The following NKAIN2 variants were observed in gnomAD, a reference collection of about 807,000 sequenced individuals.
The protein encoded by NKAIN2 is sodium/potassium transporting ATPase interacting 2.
Under a neutral mutation model 32.6 loss-of-function variants are expected in NKAIN2, and 14 were observed. That is an observed-to-expected ratio of 0.43 (90% CI 0.28 to 0.67). The LOEUF (loss-of-function observed/expected upper bound fraction) is 0.67. NKAIN2 is among the 30% of genes least tolerant of loss of function. NKAIN2 has a pLI of 0.17. For synonymous variants in NKAIN2, 80 were observed against 87.2 expected, an observed-to-expected ratio of 0.92 and a Z score of 0.46; for missense variants, 198 against 258.3, an observed-to-expected ratio of 0.77 and a Z score of 1.60.
intron 1 of NKAIN2, among the ~76,000 whole-genome samples, chr6:123,852,627 A>T (rs1176086939): frequency 1.3e-5 from 2 of 152,242 alleles, no homozygotes; most frequent in African/African-American, 4.8e-5. Context: ...TCAATGGATG[A>T]TGACTGGATA....
chr6:124,803,842 T>C (rs1780384967), intron 5 of NKAIN2, among the ~76,000 whole-genome samples: 1 of 152,216 alleles, frequency 6.6e-6, no homozygotes, highest in African/African-American at 2.4e-5. Context: ...TTTTGAAGCA[T>C]AATTCCAATC....
chr6:124,028,330 CT>C (rs1225606395), intron 1 of NKAIN2, among the ~76,000 whole-genome samples: 4 of 140,072 alleles, frequency 2.9e-5, no homozygotes, highest in Non-Finnish European at 6.0e-5. Flanking sequence ...TGAAATGCAA[CT>C]TGATCCATTG....
chr6:124,425,128 A>G (rs1435515245), intron 3 of NKAIN2, among the ~76,000 whole-genome samples: 2 of 152,194 alleles, frequency 1.3e-5, no homozygotes. Context: ...AATCTGCCAC[A>G]TATTTCAAGG....
At chr6:123,989,610 T>A (rs1394153759) in intron 1 of NKAIN2, among the ~76,000 whole-genome samples, 1 of 152,206 alleles carries the variant, frequency 6.6e-6, no homozygotes, top group Non-Finnish European at 1.5e-5. Context: ...TAATAATTAC[T>A]TGTCACAGTT....
intron 1 of NKAIN2, among the ~76,000 whole-genome samples, chr6:123,832,885 A>G: frequency 6.6e-6 from 1 of 152,092 alleles, no homozygotes; most frequent in East Asian, 1.9e-4. Context: ...TCTTTTATCA[A>G]ATGTCTTTTG....
At chr6:124,693,433 C>CATCGCTAAAT (rs1774353826) in intron 4 of NKAIN2, among the ~76,000 whole-genome samples, 1 of 152,134 alleles carries the variant, frequency 6.6e-6, no homozygotes, top group African/African-American at 2.4e-5. Context: ...CCTATGGATC[C>CATCGCTAAAT]GTTTCTCAGA....
intron 1 of NKAIN2, among the ~76,000 whole-genome samples, chr6:124,262,884 G>A (rs1228185141): frequency 2.6e-5 from 4 of 152,106 alleles, no homozygotes; most frequent in Non-Finnish European, 5.9e-5. Context: ...TTGCCTTCTG[G>A]TCTCCATGAC....
chr6:123,883,194 G>C (rs989952755), intron 1 of NKAIN2, among the ~76,000 whole-genome samples: 1 of 152,034 alleles, frequency 6.6e-6, no homozygotes, highest in South Asian at 2.1e-4. Context: ...GCCCAGGCTG[G>C]AGTACAGTGG....
chr6:124,035,398 T>C (rs1336477571), intron 1 of NKAIN2, among the ~76,000 whole-genome samples: 1 of 152,128 alleles, frequency 6.6e-6, no homozygotes, highest in East Asian at 1.9e-4. Context: ...AATGTCTCTT[T>C]AATTAAACTT....
At chr6:124,460,852 A>C (rs893267722) in intron 3 of NKAIN2, among the ~76,000 whole-genome samples, 6 of 151,572 alleles carry the variant, frequency 4.0e-5, no homozygotes, top group African/African-American at 1.2e-4. Context: ...ATTTTATTAA[A>C]TGTATATTGC....
At chr6:124,128,424 A>G (rs1430847578) in intron 1 of NKAIN2, among the ~76,000 whole-genome samples, 1 of 152,220 alleles carries the variant, frequency 6.6e-6, no homozygotes, top group Non-Finnish European at 1.5e-5. Flanking sequence ...ACTAAATTTG[A>G]TAGGGCAACT....
chr6:123,992,252 C>G (rs952250346), intron 1 of NKAIN2, among the ~76,000 whole-genome samples: 1 of 152,054 alleles, frequency 6.6e-6, no homozygotes, highest in African/African-American at 2.4e-5. Flanking sequence ...ATTACACTTG[C>G]ATTCCTTTGA....
chr6:123,951,040 G>A (rs1375523122), intron 1 of NKAIN2, among the ~76,000 whole-genome samples: 1 of 151,926 alleles, frequency 6.6e-6, no homozygotes, highest in Non-Finnish European at 1.5e-5. Context: ...TTAGGAGCAT[G>A]TTGTTTAACT....
intron 3 of NKAIN2, among the ~76,000 whole-genome samples, chr6:124,413,548 A>G: frequency 6.6e-6 from 1 of 152,126 alleles, no homozygotes; most frequent in Middle Eastern, 3.2e-3. Context: ...TTGTGTTTCC[A>G]TACAAATTTC....
chr6:124,624,203 T>C (rs764699089), intron 3 of NKAIN2, among the ~76,000 whole-genome samples: 1 of 152,150 alleles, frequency 6.6e-6, no homozygotes, highest in African/African-American at 2.4e-5. Context: ...CATGCTTGCA[T>C]ATAGCGAATC....
chr6:123,918,995 G>GTC (rs146945631), intron 1 of NKAIN2, among the ~76,000 whole-genome samples: 28 of 150,538 alleles, frequency 1.9e-4, no homozygotes, highest in East Asian at 3.9e-4. Context: ...CTGTCTCTCT[G>GTC]TCTCTCTCTC....
At chr6:124,293,214 C>T (rs1795896795) in intron 2 of NKAIN2, among the ~76,000 whole-genome samples, 2 of 151,742 alleles carry the variant, frequency 1.3e-5, no homozygotes, top group South Asian at 4.2e-4. Context: ...ATGCTAATAT[C>T]TCTTTAAAAT....
intron 1 of NKAIN2, among the ~76,000 whole-genome samples, chr6:123,972,138 TG>T (rs1426744943): frequency 3.9e-5 from 6 of 152,346 alleles, no homozygotes; most frequent in Admixed American, 3.9e-4. Flanking sequence ...GCTTACTTTA[TG>T]GTGAGAATAC....
chr6:124,049,427 C>T (rs1242070374), intron 1 of NKAIN2, among the ~76,000 whole-genome samples: 2 of 151,888 alleles, frequency 1.3e-5, no homozygotes, highest in African/African-American at 4.8e-5. Context: ...AGAGCTCCCC[C>T]GGGTTTATGA....
Sources: allele counts gnomAD v4.1 joint callset (sites outside exome capture counted in the v4.1 genomes callset), GRCh38; gene constraint gnomAD v4.1.1; transcripts MANE v1.5; gene names NCBI Gene and HGNC (gene_info 2026-07-23, HGNC 2026-07-21).